The following SYN3 variants were observed in gnomAD, a reference collection of about 807,000 sequenced individuals.
The protein encoded by SYN3 is synapsin-3.
A neutral mutation model predicts 65.8 loss-of-function variants in SYN3; 35 were observed. The ratio of observed to expected loss-of-function variants is 0.53; its 90% CI spans 0.41 to 0.70. The LOEUF (loss-of-function observed/expected upper bound fraction) is 0.70, where lower values mean the gene tolerates loss of function less well. Ranked by LOEUF, SYN3 falls within the 30% of genes least tolerant of loss-of-function variation. The pLI is 0.00. For synonymous variants in SYN3, 270 were observed against 292.9 expected (o/e 0.92, Z 0.80); for missense variants, 680 against 749.0 (o/e 0.91, Z 1.08).
intron 6 of SYN3, among the ~76,000 whole-genome samples, chr22:32,690,624 C>A (rs890071315): frequency 5.3e-5 from 8 of 152,196 alleles, no homozygotes; most frequent in Admixed American, 2.0e-4. Context: ...CTGTCCCCAG[C>A]ATGTCAGGCA....
intron 6 of SYN3, among the ~76,000 whole-genome samples, chr22:32,814,181 A>AAAAG (rs148074968): frequency 2.6e-4 from 29 of 109,818 alleles, no homozygotes; most frequent in Non-Finnish European, 3.8e-4. Context: ...AGAAAGAAAG[A>AAAAG]AAAGAAAGAA....
At chr22:32,729,903 TA>T (rs2061247186) in intron 6 of SYN3, among the ~76,000 whole-genome samples, 1 of 152,186 alleles carries the variant, frequency 6.6e-6, no homozygotes, top group African/African-American at 2.4e-5. Flanking sequence ...AACTACCCTA[TA>T]GGGGCTGTAG....
intron 6 of SYN3, among the ~76,000 whole-genome samples, chr22:32,745,417 G>A (rs2044901411): frequency 6.6e-6 from 1 of 152,154 alleles, no homozygotes; most frequent in Non-Finnish European, 1.5e-5. Flanking sequence ...GGTGGATGGC[G>A]GACTGTCACT....
At chr22:32,705,409 T>C (rs965988299) in intron 6 of SYN3, among the ~76,000 whole-genome samples, 2 of 152,176 alleles carry the variant, frequency 1.3e-5, no homozygotes, top group African/African-American at 2.4e-5. Flanking sequence ...ATTACATTCG[T>C]CCACATGCCT....
chr22:32,873,878 G>A (rs1050813519), intron 4 of SYN3, among the ~76,000 whole-genome samples: 7 of 152,084 alleles, frequency 4.6e-5, no homozygotes, highest in African/African-American at 1.7e-4. Flanking sequence ...TGTAATCCCA[G>A]CATTTTGGGA....
intron 6 of SYN3, among the ~76,000 whole-genome samples, chr22:32,766,829 G>C (rs1029704039): frequency 4.6e-5 from 7 of 152,176 alleles, no homozygotes; most frequent in African/African-American, 7.2e-5. Context: ...GAGTGGGAAT[G>C]GGTATAGACA....
intron 4 of SYN3, among the ~76,000 whole-genome samples, chr22:32,923,900 T>C (rs929469499): frequency 6.6e-6 from 1 of 152,164 alleles, no homozygotes. Context: ...GTCCATGAGT[T>C]CTCATCATTT....
chr22:32,885,029 C>G (rs1324675472), intron 4 of SYN3, among the ~76,000 whole-genome samples: 1 of 152,030 alleles, frequency 6.6e-6, no homozygotes, highest in Non-Finnish European at 1.5e-5. Context: ...TAGCTATTAA[C>G]AAACACTTCC....
intron 6 of SYN3, among the ~76,000 whole-genome samples, chr22:32,836,495 T>A (rs562315904): frequency 2.0e-5 from 3 of 152,380 alleles, no homozygotes; most frequent in Admixed American, 2.0e-4. Flanking sequence ...TACTTATTTA[T>A]TTTATTTAAA....
intron 3 of SYN3, among the ~76,000 whole-genome samples, chr22:32,973,844 G>A (rs8140502): frequency 0.053 from 8,093 of 152,192 alleles, 696 homozygotes; most frequent in African/African-American, 0.18. Context: ...GTCGCACCCA[G>A]GCTGGACGAT....
At chr22:32,698,195 G>A (rs1601934460) in intron 6 of SYN3, among the ~76,000 whole-genome samples, 1 of 152,178 alleles carries the variant, frequency 6.6e-6, no homozygotes, top group African/African-American at 2.4e-5. Context: ...ATAGAACTCT[G>A]CACCTCTTCA....
chr22:33,007,223 T>C (rs1164858822), intron 1 of SYN3, among the ~76,000 whole-genome samples: 1 of 152,218 alleles, frequency 6.6e-6, no homozygotes, highest in African/African-American at 2.4e-5. Context: ...AACAATTTCA[T>C]GTTCTAATGA....
At chr22:33,035,330 A>ACCG (rs2053834423) in intron 1 of SYN3, among the ~76,000 whole-genome samples, 1 of 31,434 alleles carries the variant, frequency 3.2e-5, no homozygotes, top group Non-Finnish European at 6.9e-5. Context: ...AAATCTCGGG[A>ACCG]CCCCCCCCCC....
At chr22:32,800,899 G>A (rs1188620601) in intron 6 of SYN3, among the ~76,000 whole-genome samples, 3 of 152,092 alleles carry the variant, frequency 2.0e-5, no homozygotes, top group East Asian at 1.9e-4. Context: ...CCTTACTATC[G>A]CAGAGAGAGC....
intron 2 of SYN3, among the ~76,000 whole-genome samples, chr22:32,991,338 A>AAATAATAACAATAATAAT (rs2052707898): frequency 7.0e-6 from 1 of 142,618 alleles, no homozygotes; most frequent in Non-Finnish European, 1.5e-5. Flanking sequence ...ACTCCATCTC[A>AAATAATAACAATAATAAT]AATAATAATA....
chr22:33,026,862 G>T (rs969404359), intron 1 of SYN3, among the ~76,000 whole-genome samples: 1 of 152,172 alleles, frequency 6.6e-6, no homozygotes, highest in South Asian at 2.1e-4. Flanking sequence ...AAAACGTGGC[G>T]ACTGTATACT....
chr22:32,971,151 G>C (rs937067027), intron 3 of SYN3, among the ~76,000 whole-genome samples: 1 of 152,184 alleles, frequency 6.6e-6, no homozygotes, highest in Admixed American at 6.5e-5. Flanking sequence ...TCCATTTTCT[G>C]TAGAGTTCTT....
chr22:32,609,184 C>T (rs1031731371), intron 6 of SYN3, among the ~76,000 whole-genome samples: 1 of 151,754 alleles, frequency 6.6e-6, no homozygotes, highest in Non-Finnish European at 1.5e-5. Context: ...ATTAGCTGGA[C>T]GTGGTTGCAG....
intron 4 of SYN3, chr22:32,931,156 C>T (rs1206954019): frequency 2.4e-6 from 1 of 424,342 alleles, no homozygotes; most frequent in South Asian, 3.4e-5. Flanking sequence ...AGAAATGGAA[C>T]CCAAGTCTTT....
Sources: allele counts gnomAD v4.1 joint callset (sites outside exome capture counted in the v4.1 genomes callset), GRCh38; gene constraint gnomAD v4.1.1; transcripts MANE v1.5; gene names NCBI Gene and HGNC (gene_info 2026-07-23, HGNC 2026-07-21).